The following SHOC2 variants were observed in gnomAD, a reference collection of about 807,000 sequenced individuals.
SHOC2 encodes the protein SHOC2 leucine rich repeat scaffold protein, also known as leucine-rich repeat protein SHOC-2.
SHOC2 carries 4 observed loss-of-function variants against 50.2 expected under a neutral mutation model. The ratio of observed to expected loss-of-function variants is 0.08; its 90% CI spans 0.04 to 0.18. SHOC2 has a LOEUF of 0.18. SHOC2 is among the 10% of genes least tolerant of loss of function. The probability of loss-of-function intolerance (pLI) is 1.00; values close to 1 mark genes in which losing one functional copy is unlikely to be tolerated. For synonymous variants in SHOC2, 218 were observed against 244.5 expected (o/e 0.89, Z 1.01); for missense variants, 388 against 669.6 (o/e 0.58, Z 4.64).
chr10:110,965,141 C>T, intron 2 of SHOC2, 80 bp downstream of exon 2: 2 of 1,245,220 alleles, frequency 1.6e-6, no homozygotes, highest in Non-Finnish European at 1.2e-6. Context: ...TCAAAAAATG[C>T]CTGATACTTG....
At chr10:110,983,024 G>A (rs1462076248) in intron 2 of SHOC2, among the ~76,000 whole-genome samples, 3 of 152,058 alleles carry the variant, frequency 2.0e-5, no homozygotes, top group East Asian at 1.9e-4. Flanking sequence ...TACTATTCAG[G>A]TTTTCTGTTT....
intron 3 of SHOC2, among the ~76,000 whole-genome samples, chr10:110,986,099 T>G (rs1437404406): frequency 6.6e-6 from 1 of 152,204 alleles, no homozygotes; most frequent in Non-Finnish European, 1.5e-5. Flanking sequence ...GGTGTGGTCC[T>G]TTCTTTGCTA....
rs1397494104 is a variant in SHOC2 at position 111,004,212 on chromosome 10, G to C, written c.973-394G>C. Among the ~76,000 whole-genome samples, 3 of 152,142 alleles carry C rather than the reference G, an allele frequency of 2.0e-5. No homozygotes were observed. In the East Asian group the frequency reaches 5.8e-4, roughly 29 times the overall value. ...TCACACAGCCAGTGGCAGAGACAGG[G>C]CTCAGACCTGGGACTGTCTGACACT... On this transcript the variant is annotated intron_variant, in intron 4 of 8. Transcript: ENST00000369452.
intron 3 of SHOC2, among the ~76,000 whole-genome samples, chr10:110,992,075 T>A (rs1848195252): frequency 6.6e-6 from 1 of 152,222 alleles, no homozygotes; most frequent in Non-Finnish European, 1.5e-5. Context: ...TTCCTTTTTT[T>A]CTTTTTTCTT....
intron 1 of SHOC2, among the ~76,000 whole-genome samples, chr10:110,929,767 A>G (rs1424319223): frequency 1.3e-5 from 2 of 152,220 alleles, no homozygotes; most frequent in South Asian, 2.1e-4. Context: ...CAAAGGTCCC[A>G]TCTTCAAATA....
intron 1 of SHOC2, among the ~76,000 whole-genome samples, chr10:110,954,953 A>G (rs1847429913): frequency 6.6e-6 from 1 of 152,204 alleles, no homozygotes; most frequent in Admixed American, 6.5e-5. Context: ...GGTTGAAGAG[A>G]CAGGCAGGGA....
At chr10:110,944,444 C>T (rs1052318748) in intron 1 of SHOC2, among the ~76,000 whole-genome samples, 1 of 148,614 alleles carries the variant, frequency 6.7e-6, no homozygotes, top group Admixed American at 6.7e-5. Flanking sequence ...TGGATTTCCT[C>T]AGGGACAGTT....
intron 3 of SHOC2, among the ~76,000 whole-genome samples, chr10:110,995,721 A>G (rs1848257179): frequency 6.6e-6 from 1 of 152,172 alleles, no homozygotes; most frequent in Non-Finnish European, 1.5e-5. Flanking sequence ...CAGGATGGCT[A>G]TCTAAAACTT....
intron 2 of SHOC2, among the ~76,000 whole-genome samples, chr10:110,975,685 A>G (rs1028735516): frequency 6.6e-6 from 1 of 152,072 alleles, no homozygotes. Flanking sequence ...CCAGTGAATT[A>G]TATCAATTCA....
intron 1 of SHOC2, among the ~76,000 whole-genome samples, chr10:110,960,144 G>C (rs1847543687): frequency 6.6e-6 from 1 of 152,224 alleles, no homozygotes; most frequent in Admixed American, 6.5e-5. Flanking sequence ...GACAGGGCTT[G>C]GGAAACTATG....
At chr10:110,982,398 A>G (rs989945619) in intron 2 of SHOC2, among the ~76,000 whole-genome samples, 2 of 151,606 alleles carry the variant, frequency 1.3e-5, no homozygotes, top group Non-Finnish European at 3.0e-5. Context: ...GTCAAATGGT[A>G]TTTCCAGTTC....
intron 3 of SHOC2, chr10:110,988,951 G>A (rs753817484): frequency 9.8e-6 from 5 of 510,622 alleles, no homozygotes; most frequent in South Asian, 5.7e-5. Flanking sequence ...AAAAGCAATC[G>A]CGGTTTTTGC....
At position 110,937,960 on chromosome 10, in the gene SHOC2, G is replaced by C. The variant is rs561957861; in HGVS notation, c.-235+18303G>C. 2.6e-5 allele frequency among the ~76,000 whole-genome samples: 4 copies of C among 152,288 alleles called. No individual in the cohort carries two copies. In the East Asian group the frequency reaches 7.7e-4, roughly 29 times the overall value. ...CTCATCAGTTCTTCAGTTTTCCTTAGATGGTGATTCTTCTTTCAACTGAAT... is the reference window on the plus strand; with the variant it reads ...CTCATCAGTTCTTCAGTTTTCCTTACATGGTGATTCTTCTTTCAACTGAAT... On this transcript the variant is annotated intron_variant, in intron 1 of 8. Coordinates refer to ENST00000369452, the MANE Select transcript of SHOC2 (RefSeq NM_007373.4).
intron 5 of SHOC2, 98 bp downstream of exon 5, chr10:111,004,892 T>C (rs1848440476): frequency 2.4e-6 from 2 of 821,294 alleles, no homozygotes; most frequent in Non-Finnish European, 2.0e-6. Flanking sequence ...TGGGTACTTG[T>C]ACCTTGCTGA....
At chr10:110,957,450 G>A (rs1253203943) in intron 1 of SHOC2, among the ~76,000 whole-genome samples, 2 of 151,796 alleles carry the variant, frequency 1.3e-5, no homozygotes, top group Non-Finnish European at 2.9e-5. Flanking sequence ...TTTACCTGGT[G>A]TGTATAATGC....
chr10:110,974,880 TG>T (rs1475541422), intron 2 of SHOC2, among the ~76,000 whole-genome samples: 3 of 152,238 alleles, frequency 2.0e-5, no homozygotes, highest in Non-Finnish European at 2.9e-5. Flanking sequence ...GATACTATTT[TG>T]CTTTAAGGTT....
At chr10:110,935,358 A>G (rs1014272559) in intron 1 of SHOC2, among the ~76,000 whole-genome samples, 8 of 152,192 alleles carry the variant, frequency 5.3e-5, no homozygotes, top group Admixed American at 1.3e-4. Flanking sequence ...ATATTAGCCC[A>G]TTTGCTATAC....
At chr10:110,954,845 C>G (rs1847428012) in intron 1 of SHOC2, among the ~76,000 whole-genome samples, 1 of 152,046 alleles carries the variant, frequency 6.6e-6, no homozygotes, top group African/African-American at 2.4e-5. Context: ...GAAACACAGA[C>G]AAGGGCTTGA....
intron 1 of SHOC2, among the ~76,000 whole-genome samples, chr10:110,955,140 C>CTA (rs1847435188): frequency 6.6e-6 from 1 of 152,030 alleles, no homozygotes; most frequent in Non-Finnish European, 1.5e-5. Context: ...ATAAAAAGTG[C>CTA]TTTGTTCACT....
Sources: gnomAD v4.1 joint callset for allele counts (sites outside exome capture counted in the v4.1 genomes callset) on GRCh38, gnomAD v4.1.1 for gene constraint, MANE v1.5 for transcripts, NCBI Gene and HGNC (gene_info 2026-07-23, HGNC 2026-07-21) for gene names.